The following CEP63 variants were observed in gnomAD, a reference collection of about 807,000 sequenced individuals.
The protein encoded by CEP63 is centrosomal protein 63.
Under a neutral mutation model 89.1 loss-of-function variants are expected in CEP63, and 84 were observed. The observed-to-expected ratio is 0.94, with a 90% CI of 0.79 to 1.13. The LOEUF is 1.13. CEP63 is among the 50% of genes most tolerant of loss of function. CEP63 has a pLI of 0.00. For missense variants in CEP63, 838 were observed against 813.3 expected, an observed-to-expected ratio of 1.03 and a Z score of -0.37; for synonymous variants, 267 against 272.5, an observed-to-expected ratio of 0.98 and a Z score of 0.20.
At chr3:134,547,202 T>C (rs1953567062) in intron 8 of CEP63, 133 bp from the exon 9 acceptor site, 2 of 775,478 alleles carry the variant, frequency 2.6e-6, no homozygotes, top group Admixed American at 4.3e-5. Flanking sequence ...CAATATTCTT[T>C]TTATAAAGCA....
At chr3:134,494,092 ATATT>A (rs56200311) in intron 1 of CEP63, among the ~76,000 whole-genome samples, 7,204 of 143,524 alleles carry the variant, frequency 0.05, 220 homozygotes, top group African/African-American at 0.088. Context: ...CCTTTATTTT[ATATT>A]TATTTATTTA....
intron 1 of CEP63, among the ~76,000 whole-genome samples, chr3:134,493,234 T>C (rs1262750841): frequency 6.6e-6 from 1 of 152,046 alleles, no homozygotes; most frequent in Non-Finnish European, 1.5e-5. Context: ...TTAGAACCCA[T>C]GAAAAAGCTG....
chr3:134,573,818 GA>G (rs1293545191), intron 11 of CEP63, among the ~76,000 whole-genome samples: 5 of 152,098 alleles, frequency 3.3e-5, no homozygotes, highest in Non-Finnish European at 7.4e-5. Context: ...TTTTATTCAT[GA>G]CATACTTTTT....
At chr3:134,703,721 C>A in the CEP63 span, among the ~76,000 whole-genome samples, 1 of 152,230 alleles carries the variant, frequency 6.6e-6, no homozygotes, top group East Asian at 1.9e-4. Flanking sequence ...GTGCAGGAAA[C>A]CACCATGGCA....
At chr3:134,657,175 G>A in the CEP63 span, among the ~76,000 whole-genome samples, 2 of 152,164 alleles carry the variant, frequency 1.3e-5, no homozygotes, top group Non-Finnish European at 2.9e-5. Context: ...TGGCGGCAGC[G>A]AAAGGCAATG....
At chr3:134,634,393 GGATA>G in the CEP63 span, among the ~76,000 whole-genome samples, 6 of 151,984 alleles carry the variant, frequency 3.9e-5, no homozygotes, top group African/African-American at 1.5e-4. Context: ...GTTGGTAAGA[GGATA>G]GATAAACAGA....
chr3:134,609,803 A>C, the CEP63 span, among the ~76,000 whole-genome samples: 1 of 152,226 alleles, frequency 6.6e-6, no homozygotes, highest in Non-Finnish European at 1.5e-5. Flanking sequence ...TGGGCAAAGC[A>C]GTAAGAGATC....
intron 3 of CEP63, among the ~76,000 whole-genome samples, chr3:134,523,156 T>A (rs1183783882): frequency 6.6e-6 from 1 of 152,216 alleles, no homozygotes; most frequent in Non-Finnish European, 1.5e-5. Flanking sequence ...AGATCAATGA[T>A]GTTGAGCATT....
the CEP63 span, among the ~76,000 whole-genome samples, chr3:134,746,076 C>CG: frequency 2.0e-5 from 3 of 151,894 alleles, no homozygotes; most frequent in East Asian, 1.9e-4. Context: ...CCACCCCCCC[C>CG]ACCCCATGAC....
the CEP63 span, among the ~76,000 whole-genome samples, chr3:134,626,661 G>T: frequency 6.6e-6 from 1 of 152,192 alleles, no homozygotes; most frequent in African/African-American, 2.4e-5. Flanking sequence ...AGGGGTGTGT[G>T]TCACCTCTAG....
At chr3:134,701,275 CACAT>C in the CEP63 span, among the ~76,000 whole-genome samples, 1 of 30,158 alleles carries the variant, frequency 3.3e-5, no homozygotes, top group South Asian at 1.6e-3. Context: ...TACATATACA[CACAT>C]ATATACGTAT....
the CEP63 span, among the ~76,000 whole-genome samples, chr3:134,738,200 G>A: frequency 6.6e-6 from 1 of 151,380 alleles, no homozygotes; most frequent in East Asian, 1.9e-4. Context: ...CCAGGTCACT[G>A]GAAATGCTGT....
At chr3:134,565,256 T>C (rs1363965964), downstream of CEP63, among the ~76,000 whole-genome samples, 1 of 152,196 alleles carries the variant, frequency 6.6e-6, no homozygotes, top group African/African-American at 2.4e-5. Flanking sequence ...CACTGTGGGC[T>C]GGACATTACC....
chr3:134,568,138 A>AT (rs760365296), downstream of CEP63, among the ~76,000 whole-genome samples: 15 of 152,148 alleles, frequency 9.9e-5, no homozygotes, highest in Non-Finnish European at 1.6e-4. Context: ...TTTGACAGGC[A>AT]TCCACTGTGG....
the CEP63 span, chr3:134,620,813 G>C: frequency 1.9e-6 from 3 of 1,613,482 alleles, no homozygotes; most frequent in Admixed American, 3.3e-5. Flanking sequence ...GGGCCTCCTG[G>C]AGCAGGTCAC....
chr3:134,741,987 A>AGTGTGT, the CEP63 span, among the ~76,000 whole-genome samples: 3,313 of 147,572 alleles, frequency 0.022, 103 homozygotes, highest in African/African-American at 0.076. Flanking sequence ...CTGAGAGACC[A>AGTGTGT]GTGTGTGTGT....
At chr3:134,715,225 T>C in the CEP63 span, among the ~76,000 whole-genome samples, 1 of 152,182 alleles carries the variant, frequency 6.6e-6, no homozygotes, top group African/African-American at 2.4e-5. Flanking sequence ...TGGCCTTCTG[T>C]TTTATGAGCC....
downstream of CEP63, among the ~76,000 whole-genome samples, chr3:134,567,397 AAAC>A (rs1276834709): frequency 3.9e-5 from 6 of 152,090 alleles, no homozygotes; most frequent in East Asian, 1.2e-3. Context: ...TAACAACTAA[AAAC>A]AACTGAATTG....
At chr3:134,541,759 C>A (rs182928917) in intron 6 of CEP63, among the ~76,000 whole-genome samples, 1 of 151,926 alleles carries the variant, frequency 6.6e-6, no homozygotes, top group Admixed American at 6.6e-5. Flanking sequence ...GTGATCCACC[C>A]GCCTCAGCCT....
Sources: gnomAD v4.1 joint callset for allele counts (sites outside exome capture counted in the v4.1 genomes callset) on GRCh38, gnomAD v4.1.1 for gene constraint, MANE v1.5 for transcripts, NCBI Gene and HGNC (gene_info 2026-07-23, HGNC 2026-07-21) for gene names.